Variants in ASMT observed in about 807,000 individuals in gnomAD.
ASMT encodes acetylserotonin N-methyltransferase.
Under a neutral mutation model 41.3 loss-of-function variants are expected in ASMT, and 53 were observed. That is an observed-to-expected ratio of 1.28 (90% confidence interval 1.03 to 1.61). ASMT has a LOEUF of 1.61. Among genes scored for constraint, ASMT ranks in the 40% most tolerant of loss-of-function variants. The pLI is 0.00. For missense variants in ASMT, 531 were observed against 441.3 expected (o/e 1.20, Z -1.82); for synonymous variants, 231 against 184.8 (o/e 1.25, Z -2.03).
At chrX:1,623,060 G>C in intron 1 of ASMT, 79 bp from the exon 2 acceptor site, 2 of 1,426,858 alleles carry the variant, frequency 1.4e-6, no homozygotes, top group South Asian at 1.2e-5. Context: ...TCCCTAGCCT[G>C]CCATGGTATG....
At chrX:1,628,679 T>C (rs1335553016) in intron 4 of ASMT, among the ~76,000 whole-genome samples, 1 of 149,668 alleles carries the variant, frequency 6.7e-6, no homozygotes, top group Non-Finnish European at 1.5e-5. Context: ...CTTTTCCTTC[T>C]CTTCTCTTCT....
intron 8 of ASMT, among the ~76,000 whole-genome samples, chrX:1,641,889 G>A (rs1268381060): frequency 3.4e-5 from 5 of 148,570 alleles, no homozygotes; most frequent in East Asian, 2.0e-4. Flanking sequence ...GTCCTGTGAG[G>A]TCCACCCATC....
chrX:1,621,579 G>A (rs1422931343), intron 1 of ASMT, among the ~76,000 whole-genome samples: 1 of 151,984 alleles, frequency 6.6e-6, no homozygotes, highest in Admixed American at 6.6e-5. Context: ...CGGCCTCCCA[G>A]AATGTTGGGA....
At chrX:1,637,202 CCATCCTGATGGCA>C (rs1270178021) in intron 8 of ASMT, among the ~76,000 whole-genome samples, 3 of 45,650 alleles carry the variant, frequency 6.6e-5, no homozygotes, top group African/African-American at 4.0e-4. Context: ...TGAGGTCCAT[CCATCCTGATGGCA>C]CATGAGGATG....
intron 1 of ASMT, among the ~76,000 whole-genome samples, chrX:1,615,725 C>CT (rs1280334292): frequency 1.3e-5 from 2 of 151,822 alleles, no homozygotes; most frequent in Non-Finnish European, 2.9e-5. Context: ...TCGCTTGAAC[C>CT]TGGGAGGCGG....
Position 1,643,073 on chromosome X carries a change from G to T in ASMT, c.*59G>T. On this transcript the variant is annotated 3_prime_UTR_variant, in exon 9 of 9. Coordinates refer to ENST00000381241, the MANE Select transcript of ASMT (RefSeq NM_001171038.2). ...ACACAAGACATAATAATAAAGACAT[G>T]TACCTCCAGTGGCTTCTTGTTCTTG... 1 of 1,554,422 alleles carries T rather than the reference G, an allele frequency of 6.4e-7. No individual in the cohort carries two copies.
intron 4 of ASMT, among the ~76,000 whole-genome samples, chrX:1,628,280 C>T (rs1161520334): frequency 6.6e-6 from 1 of 152,166 alleles, no homozygotes; most frequent in Non-Finnish European, 1.5e-5. Context: ...GAGATCGCAC[C>T]ACTGCACTCC....
In ASMT at chrX:1,624,254, T is replaced by A; in HGVS notation, c.245-15T>A. On this transcript the variant is annotated splice_polypyrimidine_tract_variant and intron_variant, in intron 2 of 8. Coordinates refer to ENST00000381241, the MANE Select transcript of ASMT (RefSeq NM_001171038.2). ...ATCTCACTGCTTTTTCCCTGTTTTT[T>A]TGTGTGTGTTTCAGCTTTCTATCGA... 1 of 1,613,858 alleles carries A rather than the reference T, an allele frequency of 6.2e-7. No individual in the cohort carries two copies.
At chrX:1,630,345 G>T (rs1332194195) in intron 5 of ASMT, among the ~76,000 whole-genome samples, 2 of 129,490 alleles carry the variant, frequency 1.5e-5, no homozygotes, top group African/African-American at 6.0e-5. Context: ...TCGCTCTGTC[G>T]CCCAGGCTGG....
chrX:1,627,633 C>CAAAAT (rs1934601939), intron 3 of ASMT, 70 bp from the exon 4 acceptor site: 2 of 1,198,966 alleles, frequency 1.7e-6, no homozygotes, highest in Non-Finnish European at 1.2e-6. Context: ...CGAAATGAAA[C>CAAAAT]GAAATGAAAT....
At chrX:1,623,931 G>A (rs1357970338) in intron 2 of ASMT, among the ~76,000 whole-genome samples, 2 of 152,082 alleles carry the variant, frequency 1.3e-5, no homozygotes, top group Admixed American at 6.6e-5. Context: ...TTACAGGTGT[G>A]AGCCACCACG....
intron 8 of ASMT, among the ~76,000 whole-genome samples, chrX:1,641,581 T>G (rs1363242421): frequency 6.7e-6 from 1 of 149,574 alleles, no homozygotes; most frequent in Admixed American, 6.9e-5. Context: ...TGATGGTTCA[T>G]GAGGATGTGG....
chrX:1,634,618 G>A (rs1934890185), intron 7 of ASMT, among the ~76,000 whole-genome samples: 1 of 152,002 alleles, frequency 6.6e-6, no homozygotes, highest in Admixed American at 6.6e-5. Flanking sequence ...TCTTTAGAAT[G>A]TGGAGGGTTT....
intron 7 of ASMT, among the ~76,000 whole-genome samples, chrX:1,635,660 G>A (rs1934931210): frequency 6.6e-6 from 1 of 151,886 alleles, no homozygotes; most frequent in Non-Finnish European, 1.5e-5. Context: ...TTGGGGGTTC[G>A]AGACCAGCCT....
At chrX:1,615,323 G>A (rs1234192794) in intron 1 of ASMT, 55 bp downstream of exon 1, 29 of 1,464,260 alleles carry the variant, frequency 2.0e-5, no homozygotes, top group Middle Eastern at 1.7e-4. Flanking sequence ...TCACACTCAC[G>A]TTCCATTGTT....
rs767058448 is a variant in ASMT at position 1,616,814 on chromosome X, T to C, written c.69+1546T>C. 2.4e-3 allele frequency among the ~76,000 whole-genome samples: 368 copies of C among 151,262 alleles called. 1 individual carries two copies. The highest frequency in any genetic ancestry group is 8.4e-3 in the African/African-American group (350 of 41,430). ...AGCTCCACCTCCCAGGTTCACGCCATTCTCCTGCCTCAGCCTCCCGAGTAG... is the reference window on the plus strand; with the variant it reads ...AGCTCCACCTCCCAGGTTCACGCCACTCTCCTGCCTCAGCCTCCCGAGTAG... On this transcript the variant is annotated intron_variant, in intron 1 of 8. Coordinates refer to ENST00000381241, the MANE Select transcript of ASMT (RefSeq NM_001171038.2).
At chrX:1,640,623 A>G (rs1266005703) in intron 8 of ASMT, among the ~76,000 whole-genome samples, 174 of 14,500 alleles carry the variant, frequency 0.012, no homozygotes, top group Non-Finnish European at 0.014. Context: ...TGTGTGAGAT[A>G]GGGACCATGT....
At chrX:1,616,274 C>G (rs1208207127) in intron 1 of ASMT, among the ~76,000 whole-genome samples, 1 of 151,390 alleles carries the variant, frequency 6.6e-6, no homozygotes, top group Non-Finnish European at 1.5e-5. Context: ...AGTGATTCAC[C>G]TGCCTCGGCC....
intron 2 of ASMT, 109 bp downstream of exon 2, chrX:1,623,422 C>A: frequency 7.3e-7 from 1 of 1,376,474 alleles, no homozygotes; most frequent in Non-Finnish European, 1.0e-6. Context: ...CAGTGAAACC[C>A]CGTCTCTACT....
Sources: allele counts gnomAD v4.1 joint callset (sites outside exome capture counted in the v4.1 genomes callset), GRCh38; gene constraint gnomAD v4.1.1; transcripts MANE v1.5; gene names NCBI Gene and HGNC (gene_info 2026-07-23, HGNC 2026-07-21).